Variants in PMPCB observed in about 807,000 individuals in gnomAD.
The protein encoded by PMPCB is mitochondrial-processing peptidase subunit beta.
Under a neutral mutation model 61.5 loss-of-function variants are expected in PMPCB, and 46 were observed. The observed-to-expected ratio is 0.75, with a 90% CI of 0.59 to 0.96. PMPCB has a LOEUF of 0.96. Ranked by LOEUF, PMPCB falls within the 40% of genes least tolerant of loss-of-function variation. The pLI is 0.00. For synonymous variants in PMPCB, 191 were observed against 201.6 expected (o/e 0.95, Z 0.44); for missense variants, 590 against 602.4 (o/e 0.98, Z 0.22).
chr7:103,319,926 T>C, intron 12 of PMPCB: 1 of 1,467,874 alleles, frequency 6.8e-7, no homozygotes, highest in Non-Finnish European at 9.5e-7. Flanking sequence ...TCCCAGCTAC[T>C]CGGGAGGCTG....
rs1563443754 is a variant in PMPCB at position 103,299,507 on chromosome 7, T to C, written c.305T>C (p.Phe102Ser). The C allele has an allele frequency of 6.2e-7, 1 of 1,611,888 alleles. No individual in the cohort carries two copies. Among genetic ancestry groups the C allele is most frequent in the Non-Finnish European group, 8.5e-7 (1 of 1,178,338 alleles). The change falls in exon 3 of 13, where the codon TTT becomes TCT. Residue 102 changes from phenylalanine (F) to serine (S), a missense_variant. By Grantham distance (155) the Phe-to-Ser change is radical. Transcript: ENST00000249269. ...GAGAAGAACAATGGAACAGCACACTTTCTGGAGCATATGGCTTTCAAGGCA... is the reference window on the plus strand; with the variant it reads ...GAGAAGAACAATGGAACAGCACACTCTCTGGAGCATATGGCTTTCAAGGCA... Reference protein sequence around the residue: ...ENEKNNGTAHFLEHMAFKGTK... With the variant: ...ENEKNNGTAHSLEHMAFKGTK...
At chr7:103,332,633 T>G (rs536810130), downstream of PMPCB, among the ~76,000 whole-genome samples, 40 of 151,944 alleles carry the variant, frequency 2.6e-4, no homozygotes, top group Non-Finnish European at 5.0e-4. Context: ...CCTTTTTTTT[T>G]TGCGGGGGAG....
chr7:103,309,259 GAAA>G (rs1400779191), intron 8 of PMPCB, 164 bp downstream of exon 8: 1 of 538,822 alleles, frequency 1.9e-6, no homozygotes, highest in African/African-American at 2.0e-5. Context: ...ATGTGGGCCA[GAAA>G]AAGTTTCTTT....
chr7:103,326,071 T>C (rs556267716), intron 12 of PMPCB, among the ~76,000 whole-genome samples: 4 of 152,068 alleles, frequency 2.6e-5, no homozygotes, highest in South Asian at 2.1e-4. Context: ...CACTGTCTCC[T>C]GGGTTCAAGC....
chr7:103,316,261 T>G, downstream of PMPCB: 1 of 430,850 alleles, frequency 2.3e-6, no homozygotes, highest in South Asian at 7.0e-5. Flanking sequence ...CTACGGTTTT[T>G]GCTTTTCATG....
chr7:103,316,440 C>T (rs1226377050), downstream of PMPCB: 3 of 217,498 alleles, frequency 1.4e-5, no homozygotes, highest in Middle Eastern at 1.8e-3. Context: ...GAATTAGGGA[C>T]GCTGGATCTC....
intron 12 of PMPCB, chr7:103,324,626 A>C (rs1818603661): frequency 2.4e-6 from 3 of 1,261,160 alleles, no homozygotes; most frequent in Non-Finnish European, 3.2e-6. Context: ...TTCAACAAAC[A>C]ATTTAATTTA....
chr7:103,338,803 G>A, the PMPCB span, among the ~76,000 whole-genome samples: 21 of 152,044 alleles, frequency 1.4e-4, no homozygotes, highest in African/African-American at 3.9e-4. Flanking sequence ...CCAGCTACTC[G>A]GGAGGCTGAG....
At position 103,300,299 on chromosome 7, in the gene PMPCB, T is replaced by A; in HGVS notation, c.449T>A (p.Leu150Ter). 6.2e-7 allele frequency: 1 copy of A among 1,602,640 alleles called. No individual in the cohort carries two copies. Among genetic ancestry groups the A allele is most frequent in the Non-Finnish European group, 8.5e-7 (1 of 1,174,440 alleles). The change falls in exon 4 of 13, where the codon TTG becomes TAG. Residue 150 changes from leucine to a stop codon, truncating the protein, a stop_gained. Transcript: ENST00000249269. LOFTEE classifies it high-confidence loss of function. Reference sequence around the variant, plus strand: ...TATGCCAAAGCATTCTCTAAAGACTTGCCAAGAGGTACTGTTATTATTTAT... The same window carrying A: ...TATGCCAAAGCATTCTCTAAAGACTAGCCAAGAGGTACTGTTATTATTTAT... ...VYYAKAFSKD[L>*]PRAVEILADI...
chr7:103,320,251 G>A (rs1018886301), intron 12 of PMPCB, among the ~76,000 whole-genome samples: 1 of 151,802 alleles, frequency 6.6e-6, no homozygotes, highest in Non-Finnish European at 1.5e-5. Context: ...ACCACACCTG[G>A]CTAATTTTTT....
downstream of PMPCB, chr7:103,316,796 G>A (rs1318296035): frequency 2.5e-6 from 4 of 1,569,588 alleles, no homozygotes; most frequent in Non-Finnish European, 3.5e-6. Context: ...AGGCTCCAGT[G>A]TGAGTTGAAG....
chr7:103,303,475 T>C (rs1467358432), intron 4 of PMPCB, among the ~76,000 whole-genome samples: 2 of 152,220 alleles, frequency 1.3e-5, no homozygotes, highest in African/African-American at 4.8e-5. Context: ...AATACTTGGG[T>C]GATACAAACC....
intron 4 of PMPCB, among the ~76,000 whole-genome samples, chr7:103,303,065 T>C (rs758388783): frequency 3.3e-5 from 5 of 152,190 alleles, no homozygotes; most frequent in Non-Finnish European, 5.9e-5. Flanking sequence ...TCCACTTCAC[T>C]TTTGGCTTTT....
At chr7:103,337,718 A>G in the PMPCB span, 3 of 1,599,976 alleles carry the variant, frequency 1.9e-6, no homozygotes, top group Admixed American at 1.7e-5. Context: ...GATTATTTCA[A>G]AATAACTAAG....
downstream of PMPCB, chr7:103,319,654 G>A (rs749456723): frequency 3.7e-6 from 6 of 1,613,850 alleles, no homozygotes; most frequent in East Asian, 1.3e-4. Context: ...TGCATGATGT[G>A]AGTGTTTCAT....
Position 103,313,972 on chromosome 7 carries a change from A to G in PMPCB, c.*1701A>G. The G allele has an allele frequency of 1.0e-6, 1 of 985,418 alleles. No homozygotes were observed. The allele number at this position is 985,418 out of a possible 1,614,324, so 61.0% of individuals were successfully genotyped here. On this transcript the variant is annotated 3_prime_UTR_variant, in exon 13 of 13. Transcript: ENST00000249269. ...ACTACTAGAAACTGCGGCCTGTGAGATCTGTTAAAAGTTAAGCCTAGAAAC... is the reference window on the plus strand; with the variant it reads ...ACTACTAGAAACTGCGGCCTGTGAGGTCTGTTAAAAGTTAAGCCTAGAAAC...
chr7:103,319,927 C>T lies in PMPCB; in HGVS notation c.*1431+7796C>T, dbSNP rs527526626. On this transcript the variant is annotated intron_variant and NMD_transcript_variant, in intron 12 of 12. Transcript: ENST00000444457. Reference sequence around the variant, plus strand: ...TTACAAAGCTGTAATCCCAGCTACTCGGGAGGCTGAGGCAGGAGAATCGCT... The same window carrying T: ...TTACAAAGCTGTAATCCCAGCTACTTGGGAGGCTGAGGCAGGAGAATCGCT... 727 of 1,463,898 alleles carry T rather than the reference C, an allele frequency of 5.0e-4. 1 individual carries two copies. The highest frequency in any genetic ancestry group is 6.5e-4 in the Non-Finnish European group (683 of 1,055,392). 90.7% of individuals were successfully genotyped at this position (1,463,898 alleles called of 1,614,324 possible). A position where few individuals can be genotyped will look rare whatever the true frequency, so the allele number is the denominator to read the frequency against.
intron 12 of PMPCB, among the ~76,000 whole-genome samples, chr7:103,327,928 A>C (rs77749359): frequency 0.089 from 13,566 of 152,048 alleles, 672 homozygotes; most frequent in South Asian, 0.17. Context: ...ATTTCTTCTT[A>C]TTATTTTTTG....
At chr7:103,334,187 G>A (rs1371702119), downstream of PMPCB, among the ~76,000 whole-genome samples, 4 of 151,822 alleles carry the variant, frequency 2.6e-5, no homozygotes, top group Middle Eastern at 3.2e-3. Context: ...TCCTGACCTC[G>A]TGATCCGCCT....
Sources: allele counts gnomAD v4.1 joint callset (sites outside exome capture counted in the v4.1 genomes callset), GRCh38; gene constraint gnomAD v4.1.1; transcripts MANE v1.5; gene names NCBI Gene and HGNC (gene_info 2026-07-23, HGNC 2026-07-21).